The following ALKBH2 variants were observed in gnomAD, a reference collection of about 807,000 sequenced individuals.
The protein encoded by ALKBH2 is alkB homolog 2, alpha-ketoglutarate dependent dioxygenase, also known as DNA oxidative demethylase ALKBH2.
ALKBH2 carries 19 observed loss-of-function variants against 19.7 expected under a neutral mutation model. The observed-to-expected ratio is 0.97, with a 90% CI of 0.67 to 1.42. ALKBH2 has a LOEUF of 1.42. Among genes scored for constraint, ALKBH2 ranks in the 40% most tolerant of loss-of-function variants. The probability of loss-of-function intolerance (pLI) is 0.00; values close to 1 mark genes in which losing one functional copy is unlikely to be tolerated. For synonymous variants in ALKBH2, 135 were observed against 131.2 expected, an observed-to-expected ratio of 1.03 and a Z score of -0.20; for missense variants, 310 against 328.5, an observed-to-expected ratio of 0.94 and a Z score of 0.43.
At chr12:109,091,806 T>C (rs2042064717) in intron 2 of ALKBH2, among the ~76,000 whole-genome samples, 1 of 152,190 alleles carries the variant, frequency 6.6e-6, no homozygotes, top group Non-Finnish European at 1.5e-5. Flanking sequence ...CGTCTCGGGC[T>C]CCCAAAGTGC....
intron 2 of ALKBH2, 33 bp from the exon 3 acceptor site, chr12:109,090,240 C>T: frequency 6.2e-7 from 1 of 1,601,890 alleles, no homozygotes; most frequent in Non-Finnish European, 8.5e-7. Flanking sequence ...TTCCTTTCTA[C>T]CTGACCCCCA....
At position 109,088,263 on chromosome 12, in the gene ALKBH2, C is replaced by T; in HGVS notation, c.729G>A (p.Lys243=). Residue 243 remains lysine (K), a synonymous_variant, in exon 4 of 4, where the codon AAG becomes AAA. Transcript: ENST00000429722. The surrounding 1 kb of genome is among the most constrained non-coding windows in gnomAD (Gnocchi z 4.2). Reference sequence around the variant, plus strand: ...TCAGATTCACCCGTGGAGCCAGAACCTTCTTTCTCACGGGAAGACTGTGGT... The same window carrying T: ...TCAGATTCACCCGTGGAGCCAGAACTTTCTTTCTCACGGGAAGACTGTGGT... ...HWYHSLPVRK[K]VLAPRVNLTF... The T allele has an allele frequency of 6.2e-7, 1 of 1,613,678 alleles. No individual in the cohort carries two copies. The highest frequency in any genetic ancestry group is 8.5e-7 in the Non-Finnish European group (1 of 1,179,718).
Position 109,092,553 on chromosome 12 carries a change from T to C in ALKBH2, c.234A>G (p.Ala78=), listed in dbSNP as rs2042078440. 1 of 1,600,230 alleles carries C rather than the reference T, an allele frequency of 6.2e-7. No individual in the cohort carries two copies. Among genetic ancestry groups the C allele is most frequent in the Non-Finnish European group, 8.5e-7 (1 of 1,172,950 alleles). The change falls in exon 2 of 4, where the codon GCA becomes GCG. Residue 78 remains alanine, a synonymous_variant. Coordinates refer to ENST00000429722, the MANE Select transcript of ALKBH2 (RefSeq NM_001145374.2). ...TCTCCAACTCTTGGAAAATCTCATC[T>C]GCCTCAGCTTTGCCAAACAGGACTG... ...SYTVLFGKAE[A]DEIFQELEKE... is the part of the protein sequence containing the mutation.
chr12:109,090,137 G>A lies in ALKBH2; in HGVS notation c.351C>T (p.Asp117=), dbSNP rs35173433. The stretch of plus-strand genomic sequence containing the variant: ...CTGAAAATGTGTAGGTCAGCCCAGC[G>A]TCGCCATACGTTGCCTGCTTCCTGG... ...SVPRKQATYG[D]AGLTYTFSGL... is the part of the protein sequence containing the mutation. Residue 117 remains aspartate, a synonymous_variant, in exon 3 of 4, where the codon GAC becomes GAT. Transcript: ENST00000429722. 6.2e-3 allele frequency: 9,930 copies of A among 1,614,024 alleles called. 405 individuals are homozygous for A. In the African/African-American group the frequency reaches 0.1, roughly 16 times the overall value.
chr12:109,092,367 G>T, intron 2 of ALKBH2, 140 bp downstream of exon 2: 1 of 1,304,012 alleles, frequency 7.7e-7, no homozygotes, highest in Non-Finnish European at 1.0e-6. Flanking sequence ...GAGGTGCTCA[G>T]AGAATATTGG....
chr12:109,089,790 A>G (rs1342822826), intron 3 of ALKBH2: 25 of 572,712 alleles, frequency 4.4e-5, no homozygotes, highest in Non-Finnish European at 7.2e-5. Context: ...AAATTATCTC[A>G]TTCAGCTGTT....
chr12:109,092,471 A>G, intron 2 of ALKBH2, 36 bp downstream of exon 2: 1 of 1,222,474 alleles, frequency 8.2e-7, no homozygotes, highest in South Asian at 1.7e-5. Flanking sequence ...CAAGCCCTCA[A>G]TGCACACACA....
intron 2 of ALKBH2, among the ~76,000 whole-genome samples, chr12:109,091,799 C>T (rs1157481233): frequency 2.6e-5 from 4 of 152,236 alleles, no homozygotes; most frequent in Non-Finnish European, 4.4e-5. Context: ...ATTCGCCCGT[C>T]TCGGGCTCCC....
In ALKBH2 at chr12:109,092,667, C is replaced by T; in HGVS notation, c.120G>A (p.Arg40=). The T allele has an allele frequency of 1.2e-6, 2 of 1,614,214 alleles. No homozygotes were observed. The highest frequency in any genetic ancestry group is 1.6e-4 in the Middle Eastern group (1 of 6,062). The change falls in exon 2 of 4, where the codon AGG becomes AGA. Residue 40 remains arginine, a synonymous_variant. Transcript: ENST00000429722. ...LGGDKESTRK[R]PRREAPGNGG... is the part of the protein sequence containing the mutation. ...CATTCCCTGGGGCCTCTCTCCTGGG[C>T]CTCTTCCTTGTGCTTTCTTTGTCTC...
chr12:109,092,966 CG>C (rs1643468860), intron 1 of ALKBH2, 29 bp from the exon 2 acceptor site: 1 of 1,406,836 alleles, frequency 7.1e-7, no homozygotes, highest in Non-Finnish European at 9.2e-7. Flanking sequence ...ATGTTAAAGC[CG>C]GAAGGGACCC....
chr12:109,091,770 G>A (rs926941209), intron 2 of ALKBH2, among the ~76,000 whole-genome samples: 14 of 152,150 alleles, frequency 9.2e-5, no homozygotes, highest in African/African-American at 1.7e-4. Flanking sequence ...AGCTGGTCTC[G>A]AACTCCTGAC....
chr12:109,092,171 C>T (rs910110739), intron 2 of ALKBH2: 17 of 206,066 alleles, frequency 8.2e-5, no homozygotes, highest in African/African-American at 1.6e-4. Context: ...GCACTCGGAG[C>T]GATTCTGATT....
chr12:109,092,238 C>T (rs1465279107), intron 2 of ALKBH2: 4 of 382,722 alleles, frequency 1.0e-5, no homozygotes, highest in Non-Finnish European at 1.8e-5. Context: ...TAAACTTTCC[C>T]AGAAGATACT....
At chr12:109,090,255 G>C in intron 2 of ALKBH2, 48 bp from the exon 3 acceptor site, 2 of 1,577,386 alleles carry the variant, frequency 1.3e-6, no homozygotes, top group Non-Finnish European at 1.7e-6. Flanking sequence ...CCCCCATCTA[G>C]AAATCCAGAT....
chr12:109,092,577 T>C lies in ALKBH2; in HGVS notation c.210A>G (p.Thr70=), dbSNP rs138651962. ...IRAEGLDCSY[T]VLFGKAEADE... is the part of the protein sequence containing the mutation. ...CTGCCTCAGCTTTGCCAAACAGGACTGTGTAACTGCAGTCCAGGCCCTCAG... is the reference window on the plus strand; with the variant it reads ...CTGCCTCAGCTTTGCCAAACAGGACCGTGTAACTGCAGTCCAGGCCCTCAG... The change falls in exon 2 of 4, where the codon ACA becomes ACG. Residue 70 remains threonine, a synonymous_variant. Transcript: ENST00000429722. 11 of 1,613,114 alleles carry C rather than the reference T, an allele frequency of 6.8e-6. No individual in the cohort carries two copies. Among genetic ancestry groups the C allele is most frequent in the South Asian group, 4.4e-5 (4 of 90,958 alleles).
chr12:109,089,952 T>C lies in ALKBH2; in HGVS notation c.479+57A>G, dbSNP rs530883000. 8.8e-6 allele frequency: 14 copies of C among 1,593,252 alleles called. 1 individual carries two copies. The highest frequency in any genetic ancestry group is 7.7e-5 in the South Asian group (7 of 90,528). On this transcript the variant is annotated intron_variant, in intron 3 of 3. Coordinates refer to ENST00000429722, the MANE Select transcript of ALKBH2 (RefSeq NM_001145374.2). Reference sequence around the variant, plus strand: ...CCAAATAGGGTGGAACCCTAAACACTTCCTTTTGGAGGAGACAGAAGACTT... The same window carrying C: ...CCAAATAGGGTGGAACCCTAAACACCTCCTTTTGGAGGAGACAGAAGACTT...
intron 2 of ALKBH2, among the ~76,000 whole-genome samples, chr12:109,091,165 G>A (rs548009037): frequency 1.1e-4 from 17 of 152,246 alleles, no homozygotes; most frequent in Middle Eastern, 3.4e-3. Flanking sequence ...AGGCCAAGGC[G>A]AGGATCACTC....
In ALKBH2 at chr12:109,088,568, A is replaced by G. The variant is rs1235217009; in HGVS notation, c.480-56T>C. On this transcript the variant is annotated intron_variant, in intron 3 of 3. Transcript: ENST00000429722. The surrounding 1 kb of genome is among the most constrained non-coding windows in gnomAD (Gnocchi z 4.2). ...AAACAACCCTCTCCTGAAACTCACC[A>G]GCACCGCCAGCCCTCGTTTTCCTCA... 4.8e-5 allele frequency: 72 copies of G among 1,485,954 alleles called. No individual in the cohort carries two copies. Among genetic ancestry groups the G allele is most frequent in the Non-Finnish European group, 6.0e-5 (66 of 1,098,626 alleles). The allele number at this position is 1,485,954 out of a possible 1,614,324, so 92.0% of individuals were successfully genotyped here. A position where few individuals can be genotyped will look rare whatever the true frequency, so the allele number is the denominator to read the frequency against.
chr12:109,090,791 T>A (rs906697357), intron 2 of ALKBH2, among the ~76,000 whole-genome samples: 4 of 152,216 alleles, frequency 2.6e-5, no homozygotes, highest in Non-Finnish European at 5.9e-5. Flanking sequence ...TCCGCCCACC[T>A]CAGTCTCCCA....
Sources: gnomAD v4.1 joint callset for allele counts (sites outside exome capture counted in the v4.1 genomes callset) on GRCh38, gnomAD v4.1.1 for gene constraint, Gnocchi (gnomAD v3.1) non-coding constraint, MANE v1.5 for transcripts, NCBI Gene and HGNC (gene_info 2026-07-23, HGNC 2026-07-21) for gene names.